Variants in KIAA1217 observed in about 807,000 individuals in gnomAD.
KIAA1217 encodes the protein KIAA1217.
In KIAA1217, 88 loss-of-function variants were observed where a neutral mutation model predicts 163.9. The observed-to-expected ratio is 0.54, with a 90% CI of 0.45 to 0.64. The LOEUF is 0.64. KIAA1217 is among the 30% of genes least tolerant of loss of function. The pLI is 0.00. For synonymous variants in KIAA1217, 903 were observed against 923.1 expected (o/e 0.98, Z 0.39); for missense variants, 2,372 against 2,475.0 (o/e 0.96, Z 0.88).
At chr10:23,887,136 T>A (rs1014187628) in intron 1 of KIAA1217, among the ~76,000 whole-genome samples, 2 of 151,852 alleles carry the variant, frequency 1.3e-5, no homozygotes, top group African/African-American at 4.8e-5. Context: ...ATCATTTAGT[T>A]CCTCTGAAAC....
intron 1 of KIAA1217, among the ~76,000 whole-genome samples, chr10:23,713,284 A>C (rs7917887): frequency 0.02 from 2,996 of 152,110 alleles, 111 homozygotes; most frequent in African/African-American, 0.068. Flanking sequence ...TATCATACTG[A>C]GTTATTTCTC....
intron 1 of KIAA1217, among the ~76,000 whole-genome samples, chr10:23,819,021 T>G (rs1284305902): frequency 3.3e-5 from 5 of 152,188 alleles, no homozygotes; most frequent in African/African-American, 1.2e-4. Context: ...TCATAGAAAT[T>G]ATAGTGTTCC....
chr10:24,200,376 C>G (rs2067198879), intron 2 of KIAA1217, among the ~76,000 whole-genome samples: 1 of 152,072 alleles, frequency 6.6e-6, no homozygotes, highest in Non-Finnish European at 1.5e-5. Context: ...TGGCCTCAAA[C>G]TTCTGGGCTG....
At chr10:24,078,472 G>A (rs575700110) in intron 2 of KIAA1217, among the ~76,000 whole-genome samples, 4 of 152,138 alleles carry the variant, frequency 2.6e-5, no homozygotes, top group African/African-American at 4.8e-5. Context: ...AGCTTTACAC[G>A]GCACACTTTT....
intron 1 of KIAA1217, among the ~76,000 whole-genome samples, chr10:23,898,645 G>A (rs1409134937): frequency 1.3e-5 from 2 of 151,918 alleles, no homozygotes; most frequent in African/African-American, 4.8e-5. Flanking sequence ...TAAGTGTACA[G>A]TTCCATATTG....
At chr10:24,382,044 T>C (rs7081094) in intron 3 of KIAA1217, among the ~76,000 whole-genome samples, 57,905 of 150,770 alleles carry the variant, frequency 0.38, 11,311 homozygotes, top group South Asian at 0.55. Flanking sequence ...ATTGGAAGTT[T>C]ACTTTCTATC....
chr10:24,430,402 G>T (rs2059508122), intron 3 of KIAA1217, among the ~76,000 whole-genome samples: 1 of 152,168 alleles, frequency 6.6e-6, no homozygotes. Context: ...TACATCAGTG[G>T]TCCCTAGCCT....
chr10:24,132,168 T>C (rs956078965), intron 2 of KIAA1217, among the ~76,000 whole-genome samples: 2 of 152,130 alleles, frequency 1.3e-5, no homozygotes, highest in Admixed American at 1.3e-4. Context: ...GACTTGACAG[T>C]GATGTACCTC....
intron 2 of KIAA1217, among the ~76,000 whole-genome samples, chr10:24,311,077 G>C (rs2042631300): frequency 1.3e-5 from 2 of 152,164 alleles, no homozygotes; most frequent in South Asian, 4.1e-4. Flanking sequence ...ATGTCCATCA[G>C]GGTTCTCCTT....
intron 5 of KIAA1217, among the ~76,000 whole-genome samples, chr10:24,446,668 G>T (rs576223906): frequency 6.6e-6 from 1 of 152,258 alleles, no homozygotes; most frequent in South Asian, 2.1e-4. Flanking sequence ...CAATGACAAC[G>T]GTATCAATAA....
intron 3 of KIAA1217, among the ~76,000 whole-genome samples, chr10:24,404,297 G>T (rs1407307393): frequency 6.6e-6 from 1 of 152,042 alleles, no homozygotes; most frequent in Non-Finnish European, 1.5e-5. Context: ...GGCCGGGTGC[G>T]GTGGCTTATG....
chr10:24,389,192 A>G (rs2054476980), intron 3 of KIAA1217, among the ~76,000 whole-genome samples: 1 of 152,232 alleles, frequency 6.6e-6, no homozygotes, highest in Non-Finnish European at 1.5e-5. Flanking sequence ...AAAATGTGGC[A>G]CATATACACC....
chr10:24,137,543 A>G (rs2063881756), intron 2 of KIAA1217, among the ~76,000 whole-genome samples: 1 of 152,234 alleles, frequency 6.6e-6, no homozygotes, highest in Non-Finnish European at 1.5e-5. Context: ...AAGAATCAAA[A>G]CGTTTGCCCA....
chr10:24,056,446 G>C (rs1455943586), intron 2 of KIAA1217, among the ~76,000 whole-genome samples: 2 of 152,038 alleles, frequency 1.3e-5, no homozygotes, highest in African/African-American at 4.8e-5. Context: ...TCGAGTCTGG[G>C]TGGAGAAGAA....
rs184258225 is a variant in KIAA1217 at position 24,007,937 on chromosome 10, G to C, written c.-171+563G>C. 1.4e-3 allele frequency among the ~76,000 whole-genome samples: 215 copies of C among 152,206 alleles called. 1 individual carries two copies. Among genetic ancestry groups the C allele is most frequent in the African/African-American group, 5.0e-3 (208 of 41,548 alleles). ...TTTCCCCAAATCAGCCTACATGAGT[G>C]GCCTTGAGTGTCTGGAATGGTGAGA... is the stretch of plus-strand genomic sequence containing the variant. On this transcript the variant is annotated intron_variant, in intron 2 of 18. Coordinates refer to the KIAA1217 transcript ENST00000376462.
At position 24,069,693 on chromosome 10, in the gene KIAA1217, C is replaced by T. The variant is rs1353957313; in HGVS notation, c.-171+62319C>T. On this transcript the variant is annotated intron_variant, in intron 2 of 18. Coordinates refer to the KIAA1217 transcript ENST00000376462. ...GGGTGCAGGAGCCTCTAAACTAGTT[C>T]CTGGAATTTTACAAAGGGAATTAAT... is the stretch of plus-strand genomic sequence containing the variant. Among the ~76,000 whole-genome samples, 16 of 152,238 alleles carry T rather than the reference C, an allele frequency of 1.1e-4. No individual in the cohort carries two copies. In the South Asian group the frequency reaches 1.7e-3, roughly 16 times the overall value.
rs144973187 is a variant in KIAA1217, at chr10:24,025,373, T to C, written c.-171+17999T>C. On this transcript the variant is annotated intron_variant, in intron 2 of 18. Transcript: ENST00000376462. ...ATTTCTACTGTGGCCCATTGATCTA[T>C]ATATCTCATCTTATTCCAAACATAC... Among the ~76,000 whole-genome samples, 868 of 151,946 alleles carry C rather than the reference T, an allele frequency of 5.7e-3. 11 individuals are homozygous for C. The highest frequency in any genetic ancestry group is 0.02 in the African/African-American group (845 of 41,558).
chr10:24,229,969 C>T (rs2071143754), intron 2 of KIAA1217, among the ~76,000 whole-genome samples: 1 of 151,962 alleles, frequency 6.6e-6, no homozygotes, highest in African/African-American at 2.4e-5. Context: ...ACTACCTATT[C>T]CTCAAAAACG....
intron 2 of KIAA1217, among the ~76,000 whole-genome samples, chr10:24,095,270 C>T (rs2062111098): frequency 6.6e-6 from 1 of 152,196 alleles, no homozygotes; most frequent in South Asian, 2.1e-4. Context: ...CTGGCACTCC[C>T]TAGTGAGATG....
Sources: gnomAD v4.1 joint callset for allele counts (sites outside exome capture counted in the v4.1 genomes callset) on GRCh38, gnomAD v4.1.1 for gene constraint, MANE v1.5 for transcripts, NCBI Gene and HGNC (gene_info 2026-07-23, HGNC 2026-07-21) for gene names.